MIA2: variants seen among roughly 807,000 people sequenced by gnomAD.
MIA2 encodes the protein MIA SH3 domain ER export factor 2.
Under a neutral mutation model 167.8 loss-of-function variants are expected in MIA2, and 127 were observed. The observed-to-expected ratio is 0.76, with a 90% CI of 0.66 to 0.88. The LOEUF (loss-of-function observed/expected upper bound fraction) is 0.88, where lower values mean the gene tolerates loss of function less well. Among genes scored for constraint, MIA2 ranks in the 40% least tolerant of loss-of-function variants. The pLI, the probability that MIA2 is intolerant of heterozygous loss-of-function variation, is 0.00. For missense variants in MIA2, 1,690 were observed against 1,624.7 expected, an observed-to-expected ratio of 1.04 and a Z score of -0.69; for synonymous variants, 552 against 541.9, an observed-to-expected ratio of 1.02 and a Z score of -0.26.
At chr14:39,336,077 G>A (rs2070337628) in intron 25 of MIA2, among the ~76,000 whole-genome samples, 1 of 152,166 alleles carries the variant, frequency 6.6e-6, no homozygotes, top group South Asian at 2.1e-4. Context: ...GAGTGCTTGT[G>A]CCTTTTTTGT....
At chr14:39,287,431 G>C (rs578197566) in intron 9 of MIA2, among the ~76,000 whole-genome samples, 1 of 151,958 alleles carries the variant, frequency 6.6e-6, no homozygotes, top group Admixed American at 6.6e-5. Context: ...CTTTGTACCA[G>C]ATCTTAATGG....
intron 1 of MIA2, among the ~76,000 whole-genome samples, chr14:39,234,605 T>C (rs998243756): frequency 6.6e-6 from 1 of 152,172 alleles, no homozygotes; most frequent in Non-Finnish European, 1.5e-5. Flanking sequence ...GCTAATTTGA[T>C]AGGCCTTTAT....
At chr14:39,327,161 A>C (rs1178282009) in intron 25 of MIA2, 139 bp downstream of exon 25, 1 of 557,260 alleles carries the variant, frequency 1.8e-6, no homozygotes, top group African/African-American at 2.0e-5. Flanking sequence ...AACAATGATA[A>C]ATAATCTAAA....
chr14:39,290,460 A>G (rs1191974711), intron 9 of MIA2, among the ~76,000 whole-genome samples: 1 of 151,930 alleles, frequency 6.6e-6, no homozygotes, highest in Admixed American at 6.6e-5. Flanking sequence ...TTATAGCATT[A>G]TATGTTTTAT....
At chr14:39,238,290 A>C (rs549573411) in intron 2 of MIA2, among the ~76,000 whole-genome samples, 1 of 151,680 alleles carries the variant, frequency 6.6e-6, no homozygotes, top group African/African-American at 2.4e-5. Flanking sequence ...CTCGTGCCTC[A>C]GCCTCCCGAG....
chr14:39,319,409 T>G lies in MIA2; in HGVS notation c.3367+118T>G, dbSNP rs2066024790. ...TGTTATTTATATAAATATTTTAGATTTTAGAACCAAGGTTCTAGACTAAGC... is the reference window on the plus strand; with the variant it reads ...TGTTATTTATATAAATATTTTAGATGTTAGAACCAAGGTTCTAGACTAAGC... On this transcript the variant is annotated intron_variant, in intron 23 of 28. Transcript: ENST00000640607. The G allele has an allele frequency of 6.4e-6, 3 of 471,078 alleles. No homozygotes were observed. The South Asian group carries it at 3.0e-4, about 47-fold the overall frequency. The allele number at this position is 471,078 out of a possible 1,614,324, so 29.2% of individuals were successfully genotyped here.
intron 16 of MIA2, 42 bp from the exon 17 acceptor site, chr14:39,304,249 A>G: frequency 2.2e-6 from 2 of 910,952 alleles, no homozygotes; most frequent in Non-Finnish European, 3.4e-6. Context: ...TTTTTTGTAT[A>G]ACTGATTAAT....
At position 39,252,866 on chromosome 14, in the gene MIA2, T is replaced by G; in HGVS notation, c.1686T>G (p.Ala562=). Residue 562 remains alanine, a synonymous_variant, in exon 5 of 29, where the codon GCT becomes GCG. Coordinates refer to ENST00000640607, the MANE Select transcript of MIA2 (RefSeq NM_001329214.4). ...CATCAGTAGACACCGAAGGGCCTGCTCTGGTGGAGATAGACAGATCTGTGG... is the reference window on the plus strand; with the variant it reads ...CATCAGTAGACACCGAAGGGCCTGCGCTGGTGGAGATAGACAGATCTGTGG... ...SKPSVDTEGP[A]LVEIDRSVEN... is the part of the protein sequence containing the mutation. 2 of 1,614,056 alleles carry G rather than the reference T, an allele frequency of 1.2e-6. No homozygotes were observed. Among genetic ancestry groups the G allele is most frequent in the Non-Finnish European group, 1.7e-6 (2 of 1,179,948 alleles).
rs1210777920 is a variant in MIA2, at chr14:39,347,878, G to T, written c.3837+107G>T. On this transcript the variant is annotated intron_variant, in intron 27 of 28. Coordinates refer to ENST00000640607, the MANE Select transcript of MIA2 (RefSeq NM_001329214.4). ...CTATTGTTGCCCAAGCTGGAGTGCA[G>T]TGGCGCTATCTCGGCTCACTGCAAC... 7.4e-6 allele frequency: 8 copies of T among 1,074,294 alleles called. No individual in the cohort carries two copies. The East Asian group carries it at 1.7e-4, about 23-fold the overall frequency. The allele number at this position is 1,074,294 out of a possible 1,614,324, so 66.5% of individuals were successfully genotyped here.
At chr14:39,307,472 GC>G (rs553773799) in intron 17 of MIA2, among the ~76,000 whole-genome samples, 32 of 135,692 alleles carry the variant, frequency 2.4e-4, no homozygotes, top group Non-Finnish European at 4.6e-4. Context: ...CGTGATCTTG[GC>G]TCACTGCACG....
chr14:39,238,811 A>AAAAAAAAAAAAAC lies in MIA2; in HGVS notation c.250-1750_250-1749insAAAAAAAAAAAAC. 9.4e-3 allele frequency among the ~76,000 whole-genome samples: 974 copies of AAAAAAAAAAAAAC among 103,248 alleles called. 18 individuals are homozygous for AAAAAAAAAAAAAC. Among genetic ancestry groups the AAAAAAAAAAAAAC allele is most frequent in the South Asian group, 0.019 (61 of 3,194 alleles). 67.7% of individuals were successfully genotyped at this position (103,248 alleles called of 152,430 possible). ...CCTGTCTCAAAAAAAAAAAAAAAAAACCCAAAAAACAAAAAAACCTAGCTG... is the reference window on the plus strand; with the variant it reads ...CCTGTCTCAAAAAAAAAAAAAAAAAAAAAAAAAAAAAACCCCAAAAAACAAAAAAACCTAGCTG... On this transcript the variant is annotated intron_variant, in intron 2 of 28. Coordinates refer to ENST00000640607, the MANE Select transcript of MIA2 (RefSeq NM_001329214.4).
chr14:39,385,111 G>A (rs1411537066), intron 23 of MIA2, among the ~76,000 whole-genome samples: 1 of 152,028 alleles, frequency 6.6e-6, no homozygotes, highest in East Asian at 1.9e-4. Context: ...CTACTTGATG[G>A]CCAAAACATC....
At chr14:39,267,672 C>G (rs1020794983) in intron 6 of MIA2, 1 of 940,256 alleles carries the variant, frequency 1.1e-6, no homozygotes, top group Non-Finnish European at 1.6e-6. Flanking sequence ...CGCCCGTGTT[C>G]GAGGCAGTAG....
intron 24 of MIA2, among the ~76,000 whole-genome samples, chr14:39,322,246 T>G (rs1200439202): frequency 6.6e-6 from 1 of 152,046 alleles, no homozygotes; most frequent in East Asian, 1.9e-4. Flanking sequence ...CTGCATCATT[T>G]GTTAACACAC....
At chr14:39,236,131 C>T (rs1250947860) in intron 1 of MIA2, among the ~76,000 whole-genome samples, 2 of 152,008 alleles carry the variant, frequency 1.3e-5, no homozygotes, top group African/African-American at 4.8e-5. Flanking sequence ...AAGTTTCTTC[C>T]CCTTCAGAAA....
chr14:39,246,941 A>G lies in MIA2; in HGVS notation c.367A>G (p.Ser123Gly). Residue 123 changes from serine (S) to glycine (G), a missense_variant, in exon 4 of 29, where the codon AGT becomes GGT. Physicochemically the swap from Ser to Gly is moderately conservative, Grantham distance 56. Coordinates refer to ENST00000640607, the MANE Select transcript of MIA2 (RefSeq NM_001329214.4). Reference sequence around the variant, plus strand: ...TGACTTTCTTTGTCTTCTTGGAGTAAGTTACACATTTGACAATGAAGATAG... The same window carrying G: ...TGACTTTCTTTGTCTTCTTGGAGTAGGTTACACATTTGACAATGAAGATAG... ...ESDFLCLLGV[S>G]YTFDNEDSEL... 1 of 1,522,370 alleles carries G rather than the reference A, an allele frequency of 6.6e-7. No individual in the cohort carries two copies. The highest frequency in any genetic ancestry group is 8.8e-7 in the Non-Finnish European group (1 of 1,140,532). The allele number at this position is 1,522,370 out of a possible 1,614,324, so 94.3% of individuals were successfully genotyped here. A position where few individuals can be genotyped will look rare whatever the true frequency, so the allele number is the denominator to read the frequency against.
intron 27 of MIA2, 103 bp from the exon 28 acceptor site, chr14:39,348,640 T>G: frequency 6.8e-7 from 1 of 1,479,448 alleles, no homozygotes; most frequent in Non-Finnish European, 9.4e-7. Flanking sequence ...AAGACTATCA[T>G]GGAATGCTTT....
intron 9 of MIA2, among the ~76,000 whole-genome samples, chr14:39,285,468 G>A (rs1345047502): frequency 2.8e-5 from 4 of 141,872 alleles, no homozygotes; most frequent in South Asian, 2.2e-4. Context: ...CTGGCCGGGC[G>A]GGGGCTGACC....
At position 39,350,171 on chromosome 14, in the gene MIA2, A is replaced by G. The variant is rs1316219294; in HGVS notation, c.4146A>G (p.Pro1382=). 2 of 1,238,542 alleles carry G rather than the reference A, an allele frequency of 1.6e-6. No individual in the cohort carries two copies. The highest frequency in any genetic ancestry group is 1.5e-5 in the South Asian group (1 of 65,984). The allele number at this position is 1,238,542 out of a possible 1,614,324, so 76.7% of individuals were successfully genotyped here. The change falls in exon 29 of 29, where the codon CCA becomes CCG. Residue 1382 remains proline, a synonymous_variant. Coordinates refer to ENST00000640607, the MANE Select transcript of MIA2 (RefSeq NM_001329214.4). ...GACCTGGATTTTTCCCCCCACCCCCACATTCTGAAGGTAGAAGTGAGTTCC... is the reference window on the plus strand; with the variant it reads ...GACCTGGATTTTTCCCCCCACCCCCGCATTCTGAAGGTAGAAGTGAGTTCC... ...PPRPGFFPPP[P]HSEGRSEFPS...
Sources: gnomAD v4.1 joint callset for allele counts (sites outside exome capture counted in the v4.1 genomes callset) on GRCh38, gnomAD v4.1.1 for gene constraint, MANE v1.5 for transcripts, NCBI Gene and HGNC (gene_info 2026-07-23, HGNC 2026-07-21) for gene names.